Variants in NOTCH3 observed in about 807,000 individuals in gnomAD.
NOTCH3 encodes neurogenic locus notch homolog protein 3.
A neutral mutation model predicts 213.3 loss-of-function variants in NOTCH3; 86 were observed. That is an observed-to-expected ratio of 0.40 (90% CI 0.34 to 0.48). The LOEUF (loss-of-function observed/expected upper bound fraction) is 0.48. Among genes scored for constraint, NOTCH3 ranks in the 20% least tolerant of loss-of-function variants. The pLI, the probability that NOTCH3 is intolerant of heterozygous loss-of-function variation, is 0.57. For synonymous variants in NOTCH3, 1,354 were observed against 1,355.9 expected, an observed-to-expected ratio of 1.00 and a Z score of 0.03; for missense variants, 2,783 against 3,272.6, an observed-to-expected ratio of 0.85 and a Z score of 3.65.
chr19:15,167,484 C>A, intron 28 of NOTCH3, 73 bp from the exon 29 acceptor site: 12 of 1,409,020 alleles, frequency 8.5e-6, no homozygotes, highest in Non-Finnish European at 1.1e-5. Flanking sequence ...AGGGATGGGG[C>A]TGGGCATTCC....
At position 15,165,723 on chromosome 19, in the gene NOTCH3, C is replaced by T. The variant is rs1395957054; in HGVS notation, c.5667+64G>A. ...ATGAGTCTGAAAGGCAGAACTGGGG[C>T]TCAAACCCAGGTAAGTCTAATGCCT... is the stretch of plus-strand genomic sequence containing the variant. On this transcript the variant is annotated intron_variant, in intron 30 of 32. Transcript: ENST00000263388. The surrounding 1 kb of genome is among the most constrained non-coding windows in gnomAD (Gnocchi z 4.7). 5.1e-6 allele frequency: 8 copies of T among 1,573,894 alleles called. No homozygotes were observed. The African/African-American group carries it at 9.4e-5, about 19-fold the overall frequency.
chr19:15,183,858 G>C (rs28736569), intron 16 of NOTCH3, among the ~76,000 whole-genome samples: 9 of 151,696 alleles, frequency 5.9e-5, no homozygotes, highest in Non-Finnish European at 1.0e-4. Context: ...GGAGACCACC[G>C]TGGGCAACAT....
chr19:15,174,402 TGGTGGGGAAG>T lies in NOTCH3; in HGVS notation c.4404-12_4404-3del. 1 of 1,518,588 alleles carries T rather than the reference TGGTGGGGAAG, an allele frequency of 6.6e-7. No homozygotes were observed. The highest frequency in any genetic ancestry group is 8.9e-7 in the Non-Finnish European group (1 of 1,127,104). The allele number at this position is 1,518,588 out of a possible 1,614,324, so 94.1% of individuals were successfully genotyped here. On this transcript the variant is annotated splice_polypyrimidine_tract_variant and splice_region_variant and intron_variant, in intron 24 of 32. Coordinates refer to ENST00000263388, the MANE Select transcript of NOTCH3 (RefSeq NM_000435.3). Reference sequence around the variant, plus strand: ...GCGCAGTACTTCTCGTACACCGGGCTGGTGGGGAAGGGTGAGGCAGAGAGGGGCGGAGTCA... The same window carrying T: ...GCGCAGTACTTCTCGTACACCGGGCTGGTGAGGCAGAGAGGGGCGGAGTCA...
At chr19:15,186,032 G>A (rs752913392) in intron 12 of NOTCH3, among the ~76,000 whole-genome samples, 3 of 151,558 alleles carry the variant, frequency 2.0e-5, no homozygotes, top group Non-Finnish European at 4.4e-5. Flanking sequence ...TCAGCCTCCC[G>A]AGTGGCTGGG....
rs112868148 is a variant in NOTCH3 at position 15,186,549 on chromosome 19, C to T, written c.1951+329G>A. Among the ~76,000 whole-genome samples, 220 of 152,052 alleles carry T rather than the reference C, an allele frequency of 1.4e-3. 1 individual carries two copies. The highest frequency in any genetic ancestry group is 5.0e-3 in the African/African-American group (208 of 41,466). On this transcript the variant is annotated intron_variant, in intron 12 of 32. Coordinates refer to ENST00000263388, the MANE Select transcript of NOTCH3 (RefSeq NM_000435.3). ...CCTCCCGAGTAGCTAGGACTACAGG[C>T]GCCCACCACCACACCCGACTAATTT...
At chr19:15,197,441 G>GCCCCACCCCCCCCCCC in intron 2 of NOTCH3, 59 bp downstream of exon 2, 1 of 768,364 alleles carries the variant, frequency 1.3e-6, no homozygotes, top group Non-Finnish European at 2.3e-6. Flanking sequence ...AAGACAAATC[G>GCCCCACCCCCCCCCCC]CCCCTCCCCC....
rs2046676388 is a variant in NOTCH3, at chr19:15,165,302, CCAA to C, written c.5815+63_5815+65del. 6.5e-7 allele frequency: 1 copy of C among 1,544,110 alleles called. No individual in the cohort carries two copies. Among genetic ancestry groups the C allele is most frequent in the Admixed American group, 1.7e-5 (1 of 59,954 alleles). ...GTCTCAACATGGGTATGAATTTGCA[CCAA>C]CATGACCCTCAGGGCCCAGGTGACA... On this transcript the variant is annotated intron_variant, in intron 31 of 32. Coordinates refer to ENST00000263388, the MANE Select transcript of NOTCH3 (RefSeq NM_000435.3). The surrounding 1 kb of genome is among the most constrained non-coding windows in gnomAD (Gnocchi z 4.7).
Position 15,187,181 on chromosome 19 carries a change from G to A in NOTCH3, c.1764C>T (p.Ser588=). 6.2e-7 allele frequency: 1 copy of A among 1,614,078 alleles called. No individual in the cohort carries two copies. The highest frequency in any genetic ancestry group is 1.1e-5 in the South Asian group (1 of 91,076). ...RCESQVDECR[S]QPCRHGGKCL... The stretch of plus-strand genomic sequence containing the variant: ...ATTTGCCGCCATGGCGGCAGGGCTG[G>A]CTGCGGCATTCGTCCACCTGGCTCT... The change falls in exon 11 of 33, where the codon AGC becomes AGT. Residue 588 remains serine (S), a synonymous_variant. Transcript: ENST00000263388.
chr19:15,197,737 C>CT (rs760385508), intron 1 of NOTCH3, among the ~76,000 whole-genome samples, 159 bp from the exon 2 acceptor site: 2,044 of 29,952 alleles, frequency 0.068, 42 homozygotes, highest in Non-Finnish European at 0.12. Flanking sequence ...TTCCCACGCC[C>CT]CCCCCCCCCC....
intron 28 of NOTCH3, among the ~76,000 whole-genome samples, chr19:15,168,935 A>G (rs907609992): frequency 2.0e-5 from 3 of 152,156 alleles, no homozygotes; most frequent in Non-Finnish European, 4.4e-5. Flanking sequence ...TTATTTTTAG[A>G]CAGGGTCTTG....
At position 15,191,660 on chromosome 19, in the gene NOTCH3, G is replaced by C; in HGVS notation, c.803-3C>G. ...CACGTCCTCCGTGCAGAACTGGCCT[G>C]TGGCACACAGATGCAGCAGTCCAGC... On this transcript the variant is annotated splice_region_variant and splice_polypyrimidine_tract_variant and intron_variant, in intron 5 of 32. Coordinates refer to ENST00000263388, the MANE Select transcript of NOTCH3 (RefSeq NM_000435.3). The C allele has an allele frequency of 6.2e-7, 1 of 1,613,552 alleles. No homozygotes were observed. The highest frequency in any genetic ancestry group is 8.5e-7 in the Non-Finnish European group (1 of 1,179,984).
intron 25 of NOTCH3, among the ~76,000 whole-genome samples, chr19:15,173,547 G>A (rs749595980): frequency 8.6e-5 from 13 of 151,298 alleles, no homozygotes; most frequent in Non-Finnish European, 1.8e-4. Flanking sequence ...TATTGTGCCC[G>A]GCTTTATCTT....
chr19:15,186,847 G>C, intron 12 of NOTCH3, 31 bp downstream of exon 12: 1 of 1,557,930 alleles, frequency 6.4e-7, no homozygotes, highest in Non-Finnish European at 8.9e-7. Flanking sequence ...CTCGATCTAA[G>C]GACCCCCTCT....
Position 15,160,947 on chromosome 19 carries a change from G to C in NOTCH3, c.6681C>G (p.His2227Gln), listed in dbSNP as rs1366113655. 2.0e-5 allele frequency: 32 copies of C among 1,592,968 alleles called. No homozygotes were observed. The highest frequency in any genetic ancestry group is 2.7e-5 in the Non-Finnish European group (32 of 1,169,764). ...GGAAGCGGGCCTTTGGGGGGCTGCTGTGTGCCCCAGCCGCCGGGTACTCCT... is the reference window on the plus strand; with the variant it reads ...GGAAGCGGGCCTTTGGGGGGCTGCTCTGTGCCCCAGCCGCCGGGTACTCCT... Reference protein sequence around the residue: ...HGEEYPAAGAHSSPPKARFLR... With the variant: ...HGEEYPAAGAQSSPPKARFLR... The change falls in exon 33 of 33, where the codon CAC (histidine) becomes CAG (glutamine). Residue 2227 changes from histidine (H) to glutamine (Q), a missense_variant. His to Gln is a conservative substitution (Grantham distance 24, BLOSUM62 0). Coordinates refer to ENST00000263388, the MANE Select transcript of NOTCH3 (RefSeq NM_000435.3).
At chr19:15,183,694 C>T (rs1416825673) in intron 16 of NOTCH3, among the ~76,000 whole-genome samples, 4 of 152,258 alleles carry the variant, frequency 2.6e-5, no homozygotes, top group Admixed American at 1.3e-4. Context: ...CCACCTCGCC[C>T]GGCCTCTGGG....
chr19:15,186,942 G>A lies in NOTCH3; in HGVS notation c.1887C>T (p.Cys629=). The A allele has an allele frequency of 6.2e-7, 1 of 1,614,190 alleles. No homozygotes were observed. The highest frequency in any genetic ancestry group is 8.5e-7 in the Non-Finnish European group (1 of 1,180,036). Residue 629 remains cysteine, a synonymous_variant, in exon 12 of 33, where the codon TGC becomes TGT. Coordinates refer to ENST00000263388, the MANE Select transcript of NOTCH3 (RefSeq NM_000435.3). ...VNIDDCASNP[C]TFGVCRDGIN... is the part of the protein sequence containing the mutation. ...TGCCATCACGGCAGACTCCAAAGGT[G>A]CAGGGGTTGCTGGCACAGTCGTCAA...
intron 1 of NOTCH3, among the ~76,000 whole-genome samples, chr19:15,197,979 A>C (rs763956484): frequency 3.6e-4 from 55 of 152,020 alleles, no homozygotes; most frequent in Non-Finnish European, 6.0e-4. Context: ...ATAGAAGGGG[A>C]AGGGGCAGGG....
At chr19:15,193,302 T>C (rs900998712) in intron 2 of NOTCH3, among the ~76,000 whole-genome samples, 1 of 151,536 alleles carries the variant, frequency 6.6e-6, no homozygotes, top group African/African-American at 2.4e-5. Context: ...AGTGGCGCGA[T>C]CTTGGCTCAC....
intron 9 of NOTCH3, 108 bp downstream of exon 9, chr19:15,188,127 G>A (rs2046898940): frequency 9.4e-7 from 1 of 1,059,752 alleles, no homozygotes; most frequent in Non-Finnish European, 1.4e-6. Flanking sequence ...CATAACATAT[G>A]GTTTCTATTG....
Sources: allele counts gnomAD v4.1 joint callset (sites outside exome capture counted in the v4.1 genomes callset), GRCh38; gene constraint gnomAD v4.1.1; non-coding constraint Gnocchi (gnomAD v3.1); transcripts MANE v1.5; gene names NCBI Gene and HGNC (gene_info 2026-07-23, HGNC 2026-07-21).